Variants in DOCK2 observed in about 807,000 individuals in gnomAD.
DOCK2 encodes the protein dedicator of cytokinesis protein 2.
Under a neutral mutation model 248.9 loss-of-function variants are expected in DOCK2, and 87 were observed. That is an observed-to-expected ratio of 0.35 (90% CI 0.29 to 0.42). The LOEUF is 0.42. DOCK2 is among the 10% of genes least tolerant of loss of function. DOCK2 has a pLI of 1.00. For synonymous variants in DOCK2, 805 were observed against 821.6 expected (o/e 0.98, Z 0.35); for missense variants, 1,747 against 2,300.2 (o/e 0.76, Z 4.92).
intron 27 of DOCK2, among the ~76,000 whole-genome samples, chr5:169,861,121 C>CGCG (rs1451750154): frequency 6.6e-6 from 1 of 152,114 alleles, no homozygotes; most frequent in Non-Finnish European, 1.5e-5. Context: ...TCACGGGACA[C>CGCG]GCGGGGCTTC....
chr5:169,935,342 C>T (rs1775937152), intron 27 of DOCK2, among the ~76,000 whole-genome samples: 1 of 151,864 alleles, frequency 6.6e-6, no homozygotes, highest in Admixed American at 6.6e-5. Flanking sequence ...GAAACTGAAT[C>T]TCACTTGCGC....
chr5:169,929,686 G>C (rs1204293067), intron 27 of DOCK2, among the ~76,000 whole-genome samples: 1 of 148,252 alleles, frequency 6.7e-6, no homozygotes, highest in Non-Finnish European at 1.5e-5. Context: ...AGGTCACAGT[G>C]AGCCAAGAGG....
At chr5:169,777,573 G>A (rs540972545) in intron 25 of DOCK2, among the ~76,000 whole-genome samples, 1 of 152,270 alleles carries the variant, frequency 6.6e-6, no homozygotes, top group Non-Finnish European at 1.5e-5. Context: ...CCCATTTCTG[G>A]TGTAGGCACA....
chr5:169,654,871 T>C (rs1208584423), intron 2 of DOCK2, among the ~76,000 whole-genome samples: 1 of 152,048 alleles, frequency 6.6e-6, no homozygotes, highest in Non-Finnish European at 1.5e-5. Context: ...ATGTGCACAG[T>C]TGTGTTGTTT....
At chr5:169,805,354 A>G (rs1767295981) in intron 26 of DOCK2, among the ~76,000 whole-genome samples, 1 of 152,060 alleles carries the variant, frequency 6.6e-6, no homozygotes, top group East Asian at 1.9e-4. Context: ...ATGAGCTATG[A>G]TCTTGCCACT....
At chr5:169,769,007 A>T (rs911240023) in intron 25 of DOCK2, among the ~76,000 whole-genome samples, 2 of 152,178 alleles carry the variant, frequency 1.3e-5, no homozygotes, top group African/African-American at 4.8e-5. Flanking sequence ...TTCAACATTT[A>T]GTCCCTGGGG....
At chr5:169,811,871 G>A (rs1439942952) in intron 26 of DOCK2, among the ~76,000 whole-genome samples, 4 of 152,182 alleles carry the variant, frequency 2.6e-5, no homozygotes, top group African/African-American at 9.7e-5. Context: ...ACTTTCACCT[G>A]CACCATTTCC....
chr5:169,681,861 G>A lies in DOCK2; in HGVS notation c.588G>A (p.Glu196=). ...AHEEATDKIT[E]RIKEEMSKDQ... Reference sequence around the variant, plus strand: ...AGGAAGCAACTGATAAAATCACAGAGCGTATCAAAGAAGAAATGGTGAGCT... The same window carrying A: ...AGGAAGCAACTGATAAAATCACAGAACGTATCAAAGAAGAAATGGTGAGCT... The change falls in exon 7 of 52, where the codon GAG becomes GAA. Residue 196 remains glutamate (E), a synonymous_variant. Coordinates refer to ENST00000520908, the MANE Select transcript of DOCK2 (RefSeq NM_004946.3). 1 of 1,613,848 alleles carries A rather than the reference G, an allele frequency of 6.2e-7. No homozygotes were observed.
intron 27 of DOCK2, among the ~76,000 whole-genome samples, chr5:169,885,022 C>A (rs1043597301): frequency 2.0e-5 from 3 of 152,126 alleles, no homozygotes; most frequent in African/African-American, 7.2e-5. Flanking sequence ...TGCCTGGACC[C>A]TTTTCTCTCT....
chr5:169,884,716 G>C (rs1031723942), intron 27 of DOCK2: 5 of 152,484 alleles, frequency 3.3e-5, no homozygotes, highest in African/African-American at 1.2e-4. Context: ...GGCACGGTGA[G>C]CTACGTCTGC....
intron 27 of DOCK2, among the ~76,000 whole-genome samples, chr5:169,926,955 A>G (rs1775488826): frequency 6.6e-6 from 1 of 152,244 alleles, no homozygotes; most frequent in Non-Finnish European, 1.5e-5. Context: ...TGGGGCAGAA[A>G]TGAGGCTGGC....
At chr5:169,687,022 A>G (rs866277917) in intron 8 of DOCK2, among the ~76,000 whole-genome samples, 2 of 151,982 alleles carry the variant, frequency 1.3e-5, no homozygotes, top group Middle Eastern at 3.2e-3. Flanking sequence ...CTGGGTGAGG[A>G]TGGATGGGAC....
In DOCK2 at chr5:170,076,039, G is replaced by T; in HGVS notation, c.4821G>T (p.Lys1607Asn). Residue 1607 changes from lysine to asparagine, a missense_variant, in exon 47 of 52, where the codon AAG becomes AAT. Lys to Asn is a moderately conservative substitution (Grantham distance 94). This residue lies in a region of DOCK2 where 513 missense variants were observed against 586.1 expected (regional missense o/e 0.88). Transcript: ENST00000520908. ...PFHDRMEECF[K>N]NLKMKVEKEY... Reference sequence around the variant, plus strand: ...ATGACCGGATGGAGGAATGTTTCAAGAACCTGAAAATGAAGGTGGAGAAGG... The same window carrying T: ...ATGACCGGATGGAGGAATGTTTCAATAACCTGAAAATGAAGGTGGAGAAGG... The T allele has an allele frequency of 6.2e-7, 1 of 1,610,868 alleles. No individual in the cohort carries two copies. The highest frequency in any genetic ancestry group is 8.5e-7 in the Non-Finnish European group (1 of 1,178,222).
intron 22 of DOCK2, among the ~76,000 whole-genome samples, chr5:169,743,772 C>T (rs2113675667): frequency 6.6e-6 from 1 of 150,604 alleles, no homozygotes; most frequent in South Asian, 2.1e-4. Context: ...CATTCCCAGC[C>T]ATTCTTCAGC....
chr5:169,646,418 G>A (rs1031309411), intron 1 of DOCK2, among the ~76,000 whole-genome samples: 3 of 152,172 alleles, frequency 2.0e-5, no homozygotes, highest in Non-Finnish European at 4.4e-5. Flanking sequence ...TGCAGGTGAG[G>A]AAACTGAGGC....
At chr5:169,664,524 T>C (rs1390865323) in intron 2 of DOCK2, among the ~76,000 whole-genome samples, 1 of 152,136 alleles carries the variant, frequency 6.6e-6, no homozygotes, top group East Asian at 1.9e-4. Context: ...CGAGACTGGG[T>C]AATTTATGAA....
At chr5:169,985,617 T>G (rs1364344917) in intron 28 of DOCK2, among the ~76,000 whole-genome samples, 1 of 152,194 alleles carries the variant, frequency 6.6e-6, no homozygotes, top group African/African-American at 2.4e-5. Context: ...TTTGAGAACA[T>G]TTTCGCATCC....
chr5:169,672,317 T>G (rs140055421), intron 5 of DOCK2, among the ~76,000 whole-genome samples: 64 of 152,266 alleles, frequency 4.2e-4, no homozygotes, highest in African/African-American at 1.4e-3. Context: ...CTACTACCCC[T>G]TTTAAAACAT....
intron 50 of DOCK2, chr5:170,081,595 C>G: frequency 2.0e-6 from 1 of 508,286 alleles, no homozygotes; most frequent in Non-Finnish European, 3.5e-6. Flanking sequence ...GGCTTTGGGG[C>G]AAGGTTTTGA....
Sources: allele counts gnomAD v4.1 joint callset (sites outside exome capture counted in the v4.1 genomes callset), GRCh38; gene constraint gnomAD v4.1.1; regional missense constraint gnomAD v4.1.1; transcripts MANE v1.5; gene names NCBI Gene and HGNC (gene_info 2026-07-23, HGNC 2026-07-21).